Variants in DOCK5 observed in about 807,000 individuals in gnomAD.
The protein encoded by DOCK5 is dedicator of cytokinesis protein 5.
DOCK5 carries 142 observed loss-of-function variants against 251.8 expected under a neutral mutation model. The ratio of observed to expected loss-of-function variants is 0.56; its 90% CI spans 0.49 to 0.65. DOCK5 has a LOEUF of 0.65. DOCK5 is among the 30% of genes least tolerant of loss of function. DOCK5 has a pLI of 0.00. For missense variants in DOCK5, 2,111 were observed against 2,312.3 expected, an observed-to-expected ratio of 0.91 and a Z score of 1.79; for synonymous variants, 842 against 835.5, an observed-to-expected ratio of 1.01 and a Z score of -0.13.
At position 25,345,453 on chromosome 8, in the gene DOCK5, C is replaced by A. The variant is rs535821767; in HGVS notation, c.2618-22C>A. 70 of 1,612,356 alleles carry A rather than the reference C, an allele frequency of 4.3e-5. No individual in the cohort carries two copies. The South Asian group carries it at 5.6e-4, about 13-fold the overall frequency. ...AGGAGGTGGCACTGCTGTGTGTGAGCTGTCTGTGTTTTCCTTCTCAGAGTG... is the reference window on the plus strand; with the variant it reads ...AGGAGGTGGCACTGCTGTGTGTGAGATGTCTGTGTTTTCCTTCTCAGAGTG... On this transcript the variant is annotated intron_variant, in intron 25 of 51. Coordinates refer to ENST00000276440, the MANE Select transcript of DOCK5 (RefSeq NM_024940.8).
At chr8:25,359,918 C>T (rs193118840) in intron 28 of DOCK5, among the ~76,000 whole-genome samples, 22 of 152,206 alleles carry the variant, frequency 1.4e-4, no homozygotes, top group Non-Finnish European at 2.4e-4. Context: ...GTTAGGCCTC[C>T]GGCTGTGGCT....
chr8:25,282,039 A>G (rs956948553), intron 5 of DOCK5, among the ~76,000 whole-genome samples: 19 of 152,242 alleles, frequency 1.2e-4, no homozygotes, highest in African/African-American at 4.6e-4. Context: ...CATTCTTTGT[A>G]GAAATTCTCA....
intron 1 of DOCK5, among the ~76,000 whole-genome samples, chr8:25,224,858 T>C (rs1279892306): frequency 1.3e-5 from 2 of 152,206 alleles, no homozygotes; most frequent in East Asian, 1.9e-4. Context: ...AGGAGACTGA[T>C]GTGAAGAAAG....
intron 38 of DOCK5, among the ~76,000 whole-genome samples, chr8:25,377,730 G>A (rs1800989888): frequency 1.3e-5 from 2 of 152,124 alleles, no homozygotes; most frequent in Admixed American, 6.6e-5. Flanking sequence ...TCATCAGGAA[G>A]AATGTAAACT....
chr8:25,318,270 T>C lies in DOCK5; in HGVS notation c.1443+1139T>C, dbSNP rs1030922271. Among the ~76,000 whole-genome samples the C allele has an allele frequency of 2.0e-5, 3 of 151,598 alleles. No individual in the cohort carries two copies. In the South Asian group the frequency reaches 6.3e-4, roughly 32 times the overall value. ...GCTCGACTGATTTTTTTTATATTTT[T>C]AGTAGAGACGGGGTTTCACTATGTT... is the stretch of plus-strand genomic sequence containing the variant. On this transcript the variant is annotated intron_variant, in intron 14 of 51. Transcript: ENST00000276440.
At chr8:25,305,517 T>G (rs1386293823) in intron 11 of DOCK5, among the ~76,000 whole-genome samples, 1 of 152,060 alleles carries the variant, frequency 6.6e-6, no homozygotes, top group African/African-American at 2.4e-5. Context: ...ATTGATAGGT[T>G]TAACCACCCA....
chr8:25,213,326 G>C (rs142292064), intron 1 of DOCK5, among the ~76,000 whole-genome samples: 1 of 136,030 alleles, frequency 7.4e-6, no homozygotes, highest in Non-Finnish European at 1.5e-5. Context: ...TGTTTCACAG[G>C]AAAGTCAGGA....
At chr8:25,288,086 G>C (rs558693062) in intron 5 of DOCK5, among the ~76,000 whole-genome samples, 1 of 152,024 alleles carries the variant, frequency 6.6e-6, no homozygotes, top group South Asian at 2.1e-4. Flanking sequence ...GGGTTTCACC[G>C]TGTTGGTCAG....
chr8:25,344,661 A>G (rs1388834782), intron 25 of DOCK5, among the ~76,000 whole-genome samples: 4 of 152,216 alleles, frequency 2.6e-5, no homozygotes, highest in Non-Finnish European at 4.4e-5. Flanking sequence ...TGTTCCTAAG[A>G]CACAATTGGA....
At chr8:25,256,391 C>G (rs1006918316) in intron 2 of DOCK5, among the ~76,000 whole-genome samples, 1 of 152,102 alleles carries the variant, frequency 6.6e-6, no homozygotes, top group Non-Finnish European at 1.5e-5. Context: ...GTAATCCCAA[C>G]ACTTTGGGAG....
At chr8:25,330,277 G>T (rs568645684) in intron 18 of DOCK5, among the ~76,000 whole-genome samples, 1 of 152,082 alleles carries the variant, frequency 6.6e-6, no homozygotes, top group Non-Finnish European at 1.5e-5. Flanking sequence ...TTCCCTTTCC[G>T]TTCATTCATT....
At chr8:25,362,886 G>A (rs1800711794) in intron 28 of DOCK5, among the ~76,000 whole-genome samples, 161 bp from the exon 29 acceptor site, 1 of 152,200 alleles carries the variant, frequency 6.6e-6, no homozygotes, top group African/African-American at 2.4e-5. Context: ...ACAGCCAGCT[G>A]TAAGAATGCT....
chr8:25,250,589 T>G (rs1803241572), intron 2 of DOCK5, among the ~76,000 whole-genome samples: 1 of 152,226 alleles, frequency 6.6e-6, no homozygotes, highest in South Asian at 2.1e-4. Flanking sequence ...CAACATTATT[T>G]GCTGAGCACC....
intron 2 of DOCK5, among the ~76,000 whole-genome samples, chr8:25,263,263 T>C (rs542098623): frequency 4.0e-5 from 6 of 151,862 alleles, no homozygotes; most frequent in Non-Finnish European, 8.8e-5. Flanking sequence ...GACAGCTCTT[T>C]TTCTGAGGGC....
At position 25,332,645 on chromosome 8, in the gene DOCK5, G is replaced by A. The variant is rs540206888; in HGVS notation, c.2044G>A (p.Glu682Lys). The change falls in exon 20 of 52, where the codon GAA (glutamate) becomes AAA (lysine). Residue 682 changes from glutamate (E) to lysine (K), a missense_variant. By Grantham distance (56) the Glu-to-Lys change is moderately conservative (BLOSUM62 1). Coordinates refer to ENST00000276440, the MANE Select transcript of DOCK5 (RefSeq NM_024940.8). ...AGATGCACTCTTTAACATAATGATG[G>A]AAATGTCAGACAGTGAAACCTATGA... ...TLDALFNIMM[E>K]MSDSETYDFL... 3.1e-6 allele frequency: 5 copies of A among 1,612,616 alleles called. No homozygotes were observed. In the Admixed American group the frequency reaches 8.4e-5, roughly 27 times the overall value.
chr8:25,321,087 TA>T (rs535397663), intron 16 of DOCK5, 35 bp downstream of exon 16: 20 of 1,591,888 alleles, frequency 1.3e-5, no homozygotes, highest in Admixed American at 5.1e-5. Flanking sequence ...TATTTCCACT[TA>T]AAAAAAATTT....
At chr8:25,328,010 G>A (rs1166425666) in intron 18 of DOCK5, among the ~76,000 whole-genome samples, 1 of 151,910 alleles carries the variant, frequency 6.6e-6, no homozygotes, top group Non-Finnish European at 1.5e-5. Context: ...ATTTTTATTT[G>A]TTAATTAAAT....
intron 30 of DOCK5, 156 bp downstream of exon 30, chr8:25,364,860 T>C: frequency 1.6e-5 from 9 of 570,952 alleles, no homozygotes; most frequent in Non-Finnish European, 2.5e-5. Context: ...CCTGTCACAC[T>C]GTCCTCCAAA....
intron 1 of DOCK5, among the ~76,000 whole-genome samples, chr8:25,198,141 A>G (rs1430011268): frequency 1.3e-5 from 2 of 152,220 alleles, no homozygotes; most frequent in Non-Finnish European, 2.9e-5. Context: ...GCCAAGGTGC[A>G]TTAGAATGCA....
Sources: allele counts gnomAD v4.1 joint callset (sites outside exome capture counted in the v4.1 genomes callset), GRCh38; gene constraint gnomAD v4.1.1; transcripts MANE v1.5; gene names NCBI Gene and HGNC (gene_info 2026-07-23, HGNC 2026-07-21).